The following SREBF2 variants were observed in gnomAD, a reference collection of about 807,000 sequenced individuals.
The protein encoded by SREBF2 is sterol regulatory element-binding protein 2.
A neutral mutation model predicts 113.1 loss-of-function variants in SREBF2; 55 were observed. The observed-to-expected ratio is 0.49, with a 90% CI of 0.39 to 0.61. SREBF2 has a LOEUF of 0.61. SREBF2 is among the 20% of genes least tolerant of loss of function. SREBF2 has a pLI of 0.00. For synonymous variants in SREBF2, 593 were observed against 605.7 expected (o/e 0.98, Z 0.31); for missense variants, 1,349 against 1,487.4 (o/e 0.91, Z 1.53).
At chr22:41,900,894 A>G (rs1310083414) in intron 16 of SREBF2, 1 of 524,886 alleles carries the variant, frequency 1.9e-6, no homozygotes, top group Non-Finnish European at 3.9e-6. Flanking sequence ...ACAGAGCTGA[A>G]GACCACCCTG....
chr22:41,887,668 G>T (rs190808727), intron 11 of SREBF2, among the ~76,000 whole-genome samples: 2 of 152,286 alleles, frequency 1.3e-5, no homozygotes, highest in East Asian at 1.9e-4. Context: ...GAAGGGTGCT[G>T]CTGTGAACCT....
chr22:41,850,729 A>G (rs2076920158), intron 1 of SREBF2, among the ~76,000 whole-genome samples: 1 of 149,834 alleles, frequency 6.7e-6, no homozygotes, highest in Admixed American at 6.7e-5. Flanking sequence ...TTTGAATCTT[A>G]GATTCCTCAC....
At position 41,867,042 on chromosome 22, in the gene SREBF2, C is replaced by G. The variant is rs1211700305; in HGVS notation, c.300C>G (p.Phe100Leu). The stretch of plus-strand genomic sequence containing the variant: ...TCACCCAGGTCACATTACCTTCCTT[C>G]TCTCCCTCGGCGGCCTCCCCACAGG... ...RSFTQVTLPSFSPSAASPQAP... is the reference protein window; with the variant it reads ...RSFTQVTLPSLSPSAASPQAP... Residue 100 changes from phenylalanine to leucine, a missense_variant, in exon 2 of 19, where the codon TTC (phenylalanine) becomes TTG (leucine). Around this residue, in one of 2 missense-constraint regions of SREBF2, gnomAD observed 699 missense variants for 843.3 expected, o/e 0.83. Transcript: ENST00000361204. The G allele has an allele frequency of 6.2e-7, 1 of 1,614,192 alleles. No homozygotes were observed. The highest frequency in any genetic ancestry group is 8.5e-7 in the Non-Finnish European group (1 of 1,180,040).
chr22:41,869,547 G>A (rs1015393198), intron 3 of SREBF2, among the ~76,000 whole-genome samples: 3 of 151,056 alleles, frequency 2.0e-5, no homozygotes, highest in Non-Finnish European at 4.4e-5. Flanking sequence ...GCAGTGGCGT[G>A]ATCTTGGCTC....
At chr22:41,902,816 T>C (rs888076310) in intron 16 of SREBF2, among the ~76,000 whole-genome samples, 154 bp from the exon 17 acceptor site, 7 of 152,206 alleles carry the variant, frequency 4.6e-5, no homozygotes, top group Admixed American at 3.3e-4. Flanking sequence ...AGCTGTTCCC[T>C]CACGTCCTGC....
intron 1 of SREBF2, among the ~76,000 whole-genome samples, chr22:41,861,655 G>C (rs1275840514): frequency 6.6e-6 from 1 of 152,046 alleles, no homozygotes; most frequent in Non-Finnish European, 1.5e-5. Context: ...AGGCGCAGTG[G>C]CTCACACCTG....
At chr22:41,905,125 TTGG>T (rs2077495977) in intron 18 of SREBF2, 151 bp downstream of exon 18, 3 of 827,298 alleles carry the variant, frequency 3.6e-6, no homozygotes, top group Non-Finnish European at 5.7e-6. Context: ...GAGGCCGCCC[TTGG>T]TGGGTTGCAG....
chr22:41,890,072 T>TTTTA (rs1202943123), intron 11 of SREBF2, among the ~76,000 whole-genome samples: 3 of 152,116 alleles, frequency 2.0e-5, no homozygotes, highest in Non-Finnish European at 2.9e-5. Flanking sequence ...CAAAATATTC[T>TTTTA]TTTATTTATT....
chr22:41,900,167 C>T (rs2077452947), intron 15 of SREBF2, 163 bp from the exon 16 acceptor site: 1 of 1,509,398 alleles, frequency 6.6e-7, no homozygotes. Flanking sequence ...GCTGGCATTT[C>T]AGATCTGGAG....
chr22:41,870,353 A>G (rs1393869174), intron 3 of SREBF2, among the ~76,000 whole-genome samples: 2 of 151,988 alleles, frequency 1.3e-5, no homozygotes, highest in East Asian at 1.9e-4. Context: ...GCTGAGCACC[A>G]TGGCTCACGC....
chr22:41,901,563 A>C (rs2077465757), intron 16 of SREBF2, among the ~76,000 whole-genome samples: 1 of 152,190 alleles, frequency 6.6e-6, no homozygotes, highest in Non-Finnish European at 1.5e-5. Context: ...CAGGAGGCTG[A>C]GGCAGAAGAA....
At chr22:41,883,119 G>T (rs1475030021) in intron 10 of SREBF2, among the ~76,000 whole-genome samples, 1 of 152,224 alleles carries the variant, frequency 6.6e-6, no homozygotes, top group African/African-American at 2.4e-5. Flanking sequence ...GGAGTCAGGG[G>T]CAGAGGCTGC....
chr22:41,878,602 C>A, intron 9 of SREBF2: 1 of 1,151,320 alleles, frequency 8.7e-7, no homozygotes, highest in Non-Finnish European at 1.2e-6. Flanking sequence ...CTCTATAGAA[C>A]CAGGAAAGGT....
In SREBF2 at chr22:41,885,011, C is replaced by G; in HGVS notation, c.2208C>G (p.Ala736=). ...GTGGAGGCAAGCTGGGCTTCCTGGC[C>G]GTGAGTACCCTTCGGTTCCCTTCTG... The part of the protein sequence containing the change: ...TRCGGKLGFL[A]SYFLSRAQSL... The change falls in exon 11 of 19, where the codon GCC becomes GCG. Residue 736 remains alanine, a splice_region_variant and synonymous_variant. Coordinates refer to ENST00000361204, the MANE Select transcript of SREBF2 (RefSeq NM_004599.4). 1.2e-6 allele frequency: 2 copies of G among 1,614,082 alleles called. No homozygotes were observed. Among genetic ancestry groups the G allele is most frequent in the Admixed American group, 3.3e-5 (2 of 60,012 alleles).
intron 11 of SREBF2, among the ~76,000 whole-genome samples, chr22:41,885,221 A>G (rs1602329842): frequency 6.6e-6 from 1 of 152,220 alleles, no homozygotes; most frequent in East Asian, 1.9e-4. Flanking sequence ...CCTTAATACC[A>G]TAAGCCTTGT....
At chr22:41,876,256 A>G (rs2077197104) in intron 7 of SREBF2, among the ~76,000 whole-genome samples, 1 of 152,216 alleles carries the variant, frequency 6.6e-6, no homozygotes, top group Non-Finnish European at 1.5e-5. Flanking sequence ...TCTTCCTGGG[A>G]ACCTGTAGAG....
chr22:41,838,740 TAAAAGA>T (rs920932281), intron 1 of SREBF2, among the ~76,000 whole-genome samples: 5 of 151,556 alleles, frequency 3.3e-5, no homozygotes, highest in African/African-American at 1.2e-4. Flanking sequence ...CTCAAAAAAA[TAAAAGA>T]GAAAGAAAAG....
chr22:41,899,179 C>T (rs1341007729), intron 15 of SREBF2: 2 of 1,135,960 alleles, frequency 1.8e-6, no homozygotes, highest in East Asian at 1.2e-4. Context: ...CCCCAAAACT[C>T]ATGTGCACTG....
At chr22:41,880,600 T>A in intron 9 of SREBF2, 116 bp from the exon 10 acceptor site, 1 of 1,358,382 alleles carries the variant, frequency 7.4e-7, no homozygotes, top group Non-Finnish European at 1.0e-6. Context: ...TTCCCTCGTT[T>A]TTATGAGTGT....
Sources: gnomAD v4.1 joint callset for allele counts (sites outside exome capture counted in the v4.1 genomes callset) on GRCh38, gnomAD v4.1.1 for gene constraint, gnomAD v4.1.1 regional missense constraint, MANE v1.5 for transcripts, NCBI Gene and HGNC (gene_info 2026-07-23, HGNC 2026-07-21) for gene names.